The following LRMDA variants were observed in gnomAD, a reference collection of about 807,000 sequenced individuals.
LRMDA encodes the protein leucine rich melanocyte differentiation associated, also known as leucine-rich melanocyte differentiation-associated protein.
A neutral mutation model predicts 29.8 loss-of-function variants in LRMDA; 18 were observed. The ratio of observed to expected loss-of-function variants is 0.60; its 90% CI spans 0.42 to 0.90. The LOEUF is 0.90. Among genes scored for constraint, LRMDA ranks in the 40% least tolerant of loss-of-function variants. The probability of loss-of-function intolerance (pLI) is 0.00; values close to 1 mark genes in which losing one functional copy is unlikely to be tolerated. For synonymous variants in LRMDA, 125 were observed against 109.4 expected (o/e 1.14, Z -0.89); for missense variants, 273 against 273.9 (o/e 1.00, Z 0.02).
chr10:75,705,442 C>T (rs1185630803), intron 2 of LRMDA, among the ~76,000 whole-genome samples: 2 of 152,172 alleles, frequency 1.3e-5, no homozygotes, highest in Non-Finnish European at 1.5e-5. Flanking sequence ...CTCAATGGCT[C>T]ACTTTTGAAA....
rs150847346 is a variant in LRMDA at position 75,732,471 on chromosome 10, C to T, written c.131+293977C>T. ...TAAAATATGCTCTGTTCTTTTATCA[C>T]GACAGATATACTTTTGTTAATGAAT... On this transcript the variant is annotated intron_variant, in intron 2 of 6. Coordinates refer to ENST00000611255, the MANE Select transcript of LRMDA (RefSeq NM_001305581.2). Among the ~76,000 whole-genome samples the T allele has an allele frequency of 1.1e-3, 168 of 152,244 alleles. No individual in the cohort carries two copies. The Middle Eastern group carries it at 0.014, about 12-fold the overall frequency.
rs1326278337 is a variant in LRMDA at position 76,254,334 on chromosome 10, C to CTATA, written c.517-70067_517-70066insTATA. 3.6e-3 allele frequency among the ~76,000 whole-genome samples: 544 copies of CTATA among 150,648 alleles called. 3 individuals carry two copies. The highest frequency in any genetic ancestry group is 0.013 in the African/African-American group (516 of 40,594). ...CCATACCATACCATACCATACCATA[C>CTATA]CATACCATCCTATCCTATCCTATCC... On this transcript the variant is annotated intron_variant, in intron 5 of 6. Transcript: ENST00000611255.
At chr10:75,651,950 C>T (rs1841605426) in intron 2 of LRMDA, among the ~76,000 whole-genome samples, 2 of 152,154 alleles carry the variant, frequency 1.3e-5, no homozygotes, top group African/African-American at 2.4e-5. Context: ...TTTTCTACCC[C>T]ACTCTCAAGA....
At chr10:75,802,359 AC>A in intron 2 of LRMDA, among the ~76,000 whole-genome samples, 1 of 151,810 alleles carries the variant, frequency 6.6e-6, no homozygotes, top group Non-Finnish European at 1.5e-5. Context: ...ACACACACAC[AC>A]ACACACAATA....
chr10:76,554,866 GGGTGGTGT>G (rs1007496729), intron 6 of LRMDA, among the ~76,000 whole-genome samples: 2 of 52,470 alleles, frequency 3.8e-5, no homozygotes, highest in African/African-American at 8.0e-5. Context: ...CACTCATGGT[GGGTGGTGT>G]GTGTGTGTGT....
intron 2 of LRMDA, among the ~76,000 whole-genome samples, chr10:75,621,211 C>CAA (rs1256198659): frequency 2.4e-5 from 3 of 123,400 alleles, no homozygotes; most frequent in Non-Finnish European, 5.5e-5. Context: ...CACACACACA[C>CAA]ACACACACAC....
In LRMDA at chr10:75,773,983, C is replaced by T. The variant is rs116493808; in HGVS notation, c.132-262025C>T. Among the ~76,000 whole-genome samples, 805 of 152,210 alleles carry T rather than the reference C, an allele frequency of 5.3e-3. 11 individuals carry two copies. The highest frequency in any genetic ancestry group is 0.019 in the African/African-American group (771 of 41,524). ...CTTAGTCTGTATCATTCTTTTAATC[C>T]GCCATGATACACAGCATAGTATGAG... On this transcript the variant is annotated intron_variant, in intron 2 of 6. Transcript: ENST00000611255.
intron 2 of LRMDA, among the ~76,000 whole-genome samples, chr10:75,456,975 G>A (rs917583830): frequency 2.0e-5 from 3 of 152,084 alleles, no homozygotes; most frequent in Admixed American, 6.6e-5. Flanking sequence ...CTCACGTGGC[G>A]GTAAAATGGA....
chr10:76,144,670 T>C (rs1226566808), intron 5 of LRMDA, among the ~76,000 whole-genome samples: 1 of 152,174 alleles, frequency 6.6e-6, no homozygotes, highest in African/African-American at 2.4e-5. Context: ...TTTTCCTAAT[T>C]GAATACCCTT....
intron 5 of LRMDA, among the ~76,000 whole-genome samples, chr10:76,171,741 T>C (rs1185519992): frequency 1.3e-5 from 2 of 152,188 alleles, no homozygotes; most frequent in Non-Finnish European, 2.9e-5. Flanking sequence ...AGTGAGCAGG[T>C]GGATTTCTGC....
chr10:75,925,239 T>G (rs1846100444), intron 2 of LRMDA, among the ~76,000 whole-genome samples: 1 of 152,224 alleles, frequency 6.6e-6, no homozygotes, highest in South Asian at 2.1e-4. Flanking sequence ...GCATTAGGTT[T>G]TGAATAATTT....
At chr10:75,653,838 T>C (rs902372972) in intron 2 of LRMDA, among the ~76,000 whole-genome samples, 2 of 152,240 alleles carry the variant, frequency 1.3e-5, no homozygotes, top group African/African-American at 4.8e-5. Context: ...TCACAGGACA[T>C]TGTTTTCAAA....
intron 2 of LRMDA, among the ~76,000 whole-genome samples, chr10:75,917,352 G>A (rs746379819): frequency 3.3e-5 from 5 of 152,148 alleles, no homozygotes; most frequent in Non-Finnish European, 5.9e-5. Context: ...CATGGGTCTC[G>A]GCAGAAGCTC....
chr10:75,880,296 T>C (rs1845272714), intron 2 of LRMDA, among the ~76,000 whole-genome samples: 1 of 152,200 alleles, frequency 6.6e-6, no homozygotes, highest in Non-Finnish European at 1.5e-5. Context: ...AGGAATATAT[T>C]AGAAACTGTC....
intron 2 of LRMDA, among the ~76,000 whole-genome samples, chr10:75,568,580 C>T (rs1189411757): frequency 6.6e-6 from 1 of 152,140 alleles, no homozygotes; most frequent in African/African-American, 2.4e-5. Flanking sequence ...GTTTCTAGGG[C>T]TGCCTCTTCT....
chr10:75,791,662 G>A (rs1272549886), intron 2 of LRMDA, among the ~76,000 whole-genome samples: 2 of 152,136 alleles, frequency 1.3e-5, no homozygotes, highest in Non-Finnish European at 2.9e-5. Flanking sequence ...CCAACTTACA[G>A]TAGCTTATTT....
At chr10:75,984,667 G>A (rs1024426311) in intron 2 of LRMDA, among the ~76,000 whole-genome samples, 1 of 152,238 alleles carries the variant, frequency 6.6e-6, no homozygotes, top group Non-Finnish European at 1.5e-5. Flanking sequence ...GAGGGCTCAC[G>A]TGGCATGCCA....
chr10:76,557,526 A>T lies in LRMDA; in HGVS notation c.*238A>T. 3 of 560,156 alleles carry T rather than the reference A, an allele frequency of 5.4e-6. No homozygotes were observed. Among genetic ancestry groups the T allele is most frequent in the Non-Finnish European group, 9.5e-6 (3 of 314,666 alleles). 34.7% of individuals were successfully genotyped at this position (560,156 alleles called of 1,614,324 possible). A position where few individuals can be genotyped will look rare whatever the true frequency, so the allele number is the denominator to read the frequency against. On this transcript the variant is annotated 3_prime_UTR_variant, in exon 7 of 7. Coordinates refer to ENST00000611255, the MANE Select transcript of LRMDA (RefSeq NM_001305581.2). ...GATTGCCCTTAAGCAGGTCTCATCC[A>T]CCAGGGTGACAGACAGCGGTGGCAA...
At chr10:76,448,479 A>C (rs1181452242) in intron 6 of LRMDA, among the ~76,000 whole-genome samples, 8 of 152,128 alleles carry the variant, frequency 5.3e-5, no homozygotes. Context: ...TCCAATTTAC[A>C]TTCCAATGGT....
Sources: allele counts gnomAD v4.1 joint callset (sites outside exome capture counted in the v4.1 genomes callset), GRCh38; gene constraint gnomAD v4.1.1; transcripts MANE v1.5; gene names NCBI Gene and HGNC (gene_info 2026-07-23, HGNC 2026-07-21).